Variants in ANKS1B observed in about 807,000 individuals in gnomAD.
ANKS1B encodes ankyrin repeat and sterile alpha motif domain containing 1B, also known as ankyrin repeat and sterile alpha motif domain-containing protein 1B.
Under a neutral mutation model 148.3 loss-of-function variants are expected in ANKS1B, and 36 were observed. The observed-to-expected ratio is 0.24, with a 90% CI of 0.19 to 0.32. ANKS1B has a LOEUF of 0.32. Ranked by LOEUF, ANKS1B falls within the 10% of genes least tolerant of loss-of-function variation. The probability of loss-of-function intolerance (pLI) is 1.00; values close to 1 mark genes in which losing one functional copy is unlikely to be tolerated. For missense variants in ANKS1B, 1,157 were observed against 1,542.6 expected, an observed-to-expected ratio of 0.75 and a Z score of 4.19; for synonymous variants, 542 against 560.8, an observed-to-expected ratio of 0.97 and a Z score of 0.47.
At chr12:99,747,812 T>A (rs988415720) in intron 8 of ANKS1B, among the ~76,000 whole-genome samples, 1 of 152,112 alleles carries the variant, frequency 6.6e-6, no homozygotes, top group African/African-American at 2.4e-5. Context: ...TCTCTCTTAT[T>A]AAACACATGT....
chr12:99,932,285 T>C (rs1406235652), intron 1 of ANKS1B, among the ~76,000 whole-genome samples: 1 of 152,160 alleles, frequency 6.6e-6, no homozygotes, highest in Admixed American at 6.5e-5. Flanking sequence ...GGCATATACT[T>C]AGCAATGGGA....
At chr12:99,788,018 G>A (rs1213886291) in intron 4 of ANKS1B, among the ~76,000 whole-genome samples, 2 of 152,184 alleles carry the variant, frequency 1.3e-5, no homozygotes, top group Admixed American at 6.5e-5. Context: ...AGTGCTCTGG[G>A]ATCCTCAGTA....
intron 7 of ANKS1B, among the ~76,000 whole-genome samples, chr12:99,775,343 C>T (rs1323678631): frequency 6.6e-6 from 1 of 152,238 alleles, no homozygotes; most frequent in Middle Eastern, 3.4e-3. Context: ...GAAACATATA[C>T]TCCAGATAAA....
intron 8 of ANKS1B, among the ~76,000 whole-genome samples, chr12:99,699,112 T>A (rs1599987074): frequency 6.6e-6 from 1 of 152,164 alleles, no homozygotes. Flanking sequence ...TGCCAGTGAG[T>A]CTCCCAAGTT....
intron 9 of ANKS1B, among the ~76,000 whole-genome samples, chr12:99,629,705 G>A (rs537150207): frequency 6.6e-6 from 1 of 152,012 alleles, no homozygotes; most frequent in Non-Finnish European, 1.5e-5. Flanking sequence ...TAAGAGAGTG[G>A]ATAACTTATT....
chr12:99,114,058 A>C (rs1268870185), intron 15 of ANKS1B, among the ~76,000 whole-genome samples: 2 of 152,210 alleles, frequency 1.3e-5, no homozygotes, highest in Non-Finnish European at 2.9e-5. Flanking sequence ...AACACTTTGC[A>C]ATTTGTAAGG....
intron 17 of ANKS1B, among the ~76,000 whole-genome samples, chr12:98,978,524 T>C (rs1170681226): frequency 1.3e-5 from 2 of 152,136 alleles, no homozygotes; most frequent in East Asian, 3.8e-4. Context: ...TGAGGTTTGT[T>C]GAATTTCTTG....
At chr12:99,480,646 T>C (rs2096396152) in intron 10 of ANKS1B, among the ~76,000 whole-genome samples, 1 of 151,866 alleles carries the variant, frequency 6.6e-6, no homozygotes, top group Non-Finnish European at 1.5e-5. Context: ...ATGACTTACC[T>C]ATAGCTAATG....
chr12:99,665,669 G>C (rs2098502875), intron 8 of ANKS1B, among the ~76,000 whole-genome samples: 1 of 152,018 alleles, frequency 6.6e-6, no homozygotes, highest in African/African-American at 2.4e-5. Flanking sequence ...TGTATTTTTA[G>C]TAGAGACGGG....
intron 2 of ANKS1B, among the ~76,000 whole-genome samples, chr12:99,820,675 G>A (rs965068470): frequency 2.6e-5 from 4 of 151,972 alleles, no homozygotes; most frequent in Non-Finnish European, 5.9e-5. Flanking sequence ...TACAGTCTAT[G>A]ACATTATTTT....
chr12:98,998,216 A>G (rs1027721343), intron 17 of ANKS1B, among the ~76,000 whole-genome samples: 2 of 152,192 alleles, frequency 1.3e-5, no homozygotes, highest in African/African-American at 4.8e-5. Flanking sequence ...AATTAACCAG[A>G]AAGACACTGG....
At chr12:98,831,798 G>T in intron 18 of ANKS1B, 1 of 522,818 alleles carries the variant, frequency 1.9e-6, no homozygotes, top group Non-Finnish European at 3.5e-6. Flanking sequence ...GCCCAGGCTG[G>T]AGTGCAGTGG....
At chr12:99,362,716 G>C (rs1461059244) in intron 12 of ANKS1B, among the ~76,000 whole-genome samples, 1 of 151,932 alleles carries the variant, frequency 6.6e-6, no homozygotes, top group African/African-American at 2.4e-5. Context: ...TACCTGCAAA[G>C]TTTCAGGGTG....
intron 1 of ANKS1B, among the ~76,000 whole-genome samples, chr12:99,845,953 G>T (rs2086603462): frequency 6.6e-6 from 1 of 152,000 alleles, no homozygotes; most frequent in Admixed American, 6.6e-5. Context: ...TCATCTTTAT[G>T]AATTAAATGT....
chr12:98,872,772 G>A (rs1459495719), intron 17 of ANKS1B, among the ~76,000 whole-genome samples: 1 of 152,046 alleles, frequency 6.6e-6, no homozygotes. Flanking sequence ...TCAGGGTTCT[G>A]GAGGCAGGAC....
At chr12:98,749,483 G>T (rs1054011681) in intron 26 of ANKS1B, among the ~76,000 whole-genome samples, 7 of 152,148 alleles carry the variant, frequency 4.6e-5, no homozygotes, top group Non-Finnish European at 1.0e-4. Context: ...ATGCTACACA[G>T]AATTAAAAGC....
At chr12:99,184,805 G>A (rs902007874) in intron 14 of ANKS1B, among the ~76,000 whole-genome samples, 2 of 152,150 alleles carry the variant, frequency 1.3e-5, no homozygotes, top group African/African-American at 2.4e-5. Flanking sequence ...CATGACCTTA[G>A]TTAAATTACT....
intron 11 of ANKS1B, among the ~76,000 whole-genome samples, chr12:99,400,766 A>T (rs1221898052): frequency 1.4e-5 from 2 of 145,310 alleles, no homozygotes; most frequent in Non-Finnish European, 3.0e-5. Flanking sequence ...ATAATAAGGT[A>T]AAGTTTATTG....
At chr12:99,061,811 C>T (rs983324402) in intron 16 of ANKS1B, among the ~76,000 whole-genome samples, 1 of 152,060 alleles carries the variant, frequency 6.6e-6, no homozygotes, top group African/African-American at 2.4e-5. Flanking sequence ...TTTGTGGGGC[C>T]GTAAGTTTTC....
Sources: allele counts gnomAD v4.1 joint callset (sites outside exome capture counted in the v4.1 genomes callset), GRCh38; gene constraint gnomAD v4.1.1; transcripts MANE v1.5; gene names NCBI Gene and HGNC (gene_info 2026-07-23, HGNC 2026-07-21).